LTBP1: variants seen among roughly 807,000 people sequenced by gnomAD.
The protein encoded by LTBP1 is latent-transforming growth factor beta-binding protein 1.
Under a neutral mutation model 207.6 loss-of-function variants are expected in LTBP1, and 129 were observed. The observed-to-expected ratio is 0.62, with a 90% CI of 0.54 to 0.72. The LOEUF (loss-of-function observed/expected upper bound fraction) is 0.72. Among genes scored for constraint, LTBP1 ranks in the 30% least tolerant of loss-of-function variants. The pLI is 0.00. For missense variants in LTBP1, 2,281 were observed against 2,217.2 expected (o/e 1.03, Z -0.58); for synonymous variants, 963 against 833.7 (o/e 1.16, Z -2.67).
intron 3 of LTBP1, chr2:33,056,442 A>C (rs2077003917): frequency 1.0e-6 from 1 of 975,056 alleles, no homozygotes; most frequent in South Asian, 2.2e-5. Flanking sequence ...CAGCTTGTTT[A>C]GTTCCCTGTT....
At chr2:33,254,873 T>TG (rs2092802405) in intron 11 of LTBP1, among the ~76,000 whole-genome samples, 1 of 122,018 alleles carries the variant, frequency 8.2e-6, no homozygotes, top group Non-Finnish European at 1.7e-5. Flanking sequence ...TTTTTTTTTT[T>TG]TTTTTTTTTT....
intron 4 of LTBP1, among the ~76,000 whole-genome samples, chr2:33,117,175 G>C (rs2080795894): frequency 6.6e-6 from 1 of 152,192 alleles, no homozygotes; most frequent in African/African-American, 2.4e-5. Context: ...CTGAACTCCT[G>C]AATCCCAGTT....
chr2:33,152,478 C>G (rs1278836051), intron 5 of LTBP1, among the ~76,000 whole-genome samples: 2 of 152,148 alleles, frequency 1.3e-5, no homozygotes, highest in African/African-American at 4.8e-5. Context: ...GGAATGCAAA[C>G]TAGTATAGCC....
intron 2 of LTBP1, among the ~76,000 whole-genome samples, chr2:32,998,491 C>T (rs1685625334): frequency 1.6e-5 from 2 of 125,772 alleles, no homozygotes; most frequent in South Asian, 5.3e-4. Flanking sequence ...TCCAGCCTGG[C>T]AACAGAGTGA....
At chr2:33,070,487 C>A (rs1411813301) in intron 3 of LTBP1, among the ~76,000 whole-genome samples, 1 of 152,198 alleles carries the variant, frequency 6.6e-6, no homozygotes, top group African/African-American at 2.4e-5. Context: ...CTTTAAGTTT[C>A]TTAAGTAATG....
intron 3 of LTBP1, among the ~76,000 whole-genome samples, chr2:33,026,024 C>T (rs773028606): frequency 2.0e-5 from 3 of 151,960 alleles, no homozygotes; most frequent in Admixed American, 6.6e-5. Context: ...AACAATAAAA[C>T]GTAAGCTCAT....
intron 3 of LTBP1, among the ~76,000 whole-genome samples, chr2:33,065,654 A>G (rs1406329673): frequency 1.3e-5 from 2 of 152,044 alleles, no homozygotes; most frequent in Admixed American, 6.6e-5. Flanking sequence ...GAATTTTTCC[A>G]TATATGTTGA....
At chr2:33,110,323 C>T (rs1245710413) in intron 3 of LTBP1, among the ~76,000 whole-genome samples, 1 of 152,184 alleles carries the variant, frequency 6.6e-6, no homozygotes, top group Non-Finnish European at 1.5e-5. Context: ...ATAAAGTTAC[C>T]TGTGATGACC....
intron 2 of LTBP1, among the ~76,000 whole-genome samples, chr2:32,987,975 T>G (rs774779158): frequency 1.3e-5 from 2 of 152,118 alleles, no homozygotes. Context: ...TTAAGAGAGA[T>G]AGAGATTTGA....
chr2:33,113,755 T>C (rs1203821907), intron 4 of LTBP1, among the ~76,000 whole-genome samples: 1 of 152,218 alleles, frequency 6.6e-6, no homozygotes, highest in African/African-American at 2.4e-5. Flanking sequence ...GTAGCATGTA[T>C]CAGTATCTTA....
chr2:32,999,394 T>TACAATTTTC (rs1372478613), intron 2 of LTBP1, among the ~76,000 whole-genome samples: 1,669 of 137,658 alleles, frequency 0.012, 145 homozygotes, highest in East Asian at 0.044. Flanking sequence ...GGGCGAGGCC[T>TACAATTTTC]AGACATGGTG....
At chr2:33,235,735 G>T (rs937315451) in intron 9 of LTBP1, among the ~76,000 whole-genome samples, 1 of 152,206 alleles carries the variant, frequency 6.6e-6, no homozygotes, top group African/African-American at 2.4e-5. Context: ...AAAAAAGGAT[G>T]AGTTCATGTC....
intron 9 of LTBP1, among the ~76,000 whole-genome samples, chr2:33,234,114 C>A (rs994965931): frequency 6.6e-6 from 1 of 152,106 alleles, no homozygotes; most frequent in Admixed American, 6.6e-5. Context: ...ATGGCCAGCA[C>A]AATTTTTATT....
At chr2:33,188,124 A>G (rs1415022737) in intron 6 of LTBP1, among the ~76,000 whole-genome samples, 5 of 152,220 alleles carry the variant, frequency 3.3e-5, no homozygotes, top group Non-Finnish European at 5.9e-5. Context: ...TGTGCCCTTA[A>G]GAATTGTGAT....
At chr2:33,341,729 A>ATATATATATATATATATATATAT (rs1553509296) in intron 24 of LTBP1, among the ~76,000 whole-genome samples, 2 of 93,622 alleles carry the variant, frequency 2.1e-5, no homozygotes, top group African/African-American at 1.0e-4. Flanking sequence ...AAAAAAAAAA[A>ATATATATATATATATATATATAT]ATATATATAT....
intron 2 of LTBP1, among the ~76,000 whole-genome samples, chr2:32,996,957 T>C (rs988055207): frequency 2.6e-5 from 4 of 152,098 alleles, no homozygotes; most frequent in African/African-American, 7.2e-5. Flanking sequence ...TAATCTTGGC[T>C]CACTGCAGTG....
chr2:33,157,829 G>C (rs1387482535), intron 5 of LTBP1, among the ~76,000 whole-genome samples: 1 of 152,144 alleles, frequency 6.6e-6, no homozygotes, highest in East Asian at 1.9e-4. Flanking sequence ...ACTGGGAAAA[G>C]CTGGAATGAC....
chr2:33,310,825 G>C (rs1260141428), intron 23 of LTBP1, among the ~76,000 whole-genome samples: 1 of 152,006 alleles, frequency 6.6e-6, no homozygotes. Context: ...CTATTTACTA[G>C]TGTTAGTAAA....
At chr2:33,084,995 A>G (rs1199892392) in intron 3 of LTBP1, among the ~76,000 whole-genome samples, 1 of 152,214 alleles carries the variant, frequency 6.6e-6, no homozygotes, top group Non-Finnish European at 1.5e-5. Context: ...GGATCTAGAG[A>G]TGAGATCATC....
Sources: gnomAD v4.1 joint callset for allele counts (sites outside exome capture counted in the v4.1 genomes callset) on GRCh38, gnomAD v4.1.1 for gene constraint, MANE v1.5 for transcripts, NCBI Gene and HGNC (gene_info 2026-07-23, HGNC 2026-07-21) for gene names.